The following GRAMD1B variants were observed in gnomAD, a reference collection of about 807,000 sequenced individuals.
GRAMD1B encodes the protein GRAM domain containing 1B, also known as protein Aster-B.
Under a neutral mutation model 99.7 loss-of-function variants are expected in GRAMD1B, and 37 were observed. The observed-to-expected ratio is 0.37, with a 90% CI of 0.29 to 0.49. GRAMD1B has a LOEUF of 0.49. GRAMD1B is among the 20% of genes least tolerant of loss of function. The pLI, the probability that GRAMD1B is intolerant of heterozygous loss-of-function variation, is 0.98. For missense variants in GRAMD1B, 888 were observed against 1,009.2 expected, an observed-to-expected ratio of 0.88 and a Z score of 1.63; for synonymous variants, 427 against 387.6, an observed-to-expected ratio of 1.10 and a Z score of -1.19.
intron 2 of GRAMD1B, among the ~76,000 whole-genome samples, chr11:123,557,849 C>T (rs1334140184): frequency 6.6e-6 from 1 of 152,050 alleles, no homozygotes; most frequent in East Asian, 1.9e-4. Flanking sequence ...AAAGTCCCCT[C>T]AAAATTAGCA....
At chr11:123,526,604 CG>C (rs1242371224) in intron 2 of GRAMD1B, among the ~76,000 whole-genome samples, 2 of 152,018 alleles carry the variant, frequency 1.3e-5, no homozygotes, top group East Asian at 3.9e-4. Flanking sequence ...GGAGGGTGTG[CG>C]GGGGGCCTTT....
chr11:123,577,172 C>T (rs1176343737), intron 2 of GRAMD1B, among the ~76,000 whole-genome samples, 195 bp from the exon 3 acceptor site: 3 of 152,234 alleles, frequency 2.0e-5, no homozygotes, highest in Non-Finnish European at 4.4e-5. Flanking sequence ...GCACTGCTGC[C>T]CTCCCGTGGC....
intron 1 of GRAMD1B, among the ~76,000 whole-genome samples, chr11:123,368,300 A>G (rs974241303): frequency 1.6e-4 from 23 of 148,176 alleles, no homozygotes; most frequent in African/African-American, 5.0e-4. Context: ...GAGGGTCCCT[A>G]GACTGCACTA....
chr11:123,494,390 A>G (rs1049009157), intron 2 of GRAMD1B, among the ~76,000 whole-genome samples: 2 of 150,118 alleles, frequency 1.3e-5, no homozygotes, highest in East Asian at 3.9e-4. Context: ...AGGGGGTCAC[A>G]TGGTCTTGTG....
intron 2 of GRAMD1B, among the ~76,000 whole-genome samples, chr11:123,552,473 C>T (rs536129478): frequency 1.3e-4 from 20 of 151,878 alleles, no homozygotes; most frequent in Non-Finnish European, 2.9e-4. Context: ...CGGGGTTTCA[C>T]CATGCTGGCC....
At chr11:123,493,278 G>A (rs1402017297) in intron 2 of GRAMD1B, among the ~76,000 whole-genome samples, 1 of 152,190 alleles carries the variant, frequency 6.6e-6, no homozygotes, top group Non-Finnish European at 1.5e-5. Context: ...TATGGAGCTT[G>A]TGGGGATTGA....
intron 1 of GRAMD1B, among the ~76,000 whole-genome samples, chr11:123,364,605 A>T (rs745613569): frequency 2.0e-5 from 3 of 152,224 alleles, no homozygotes; most frequent in Non-Finnish European, 2.9e-5. Context: ...GTTGAGGAAG[A>T]AGAGGAATAA....
At chr11:123,373,583 G>A (rs926198849) in intron 1 of GRAMD1B, among the ~76,000 whole-genome samples, 1 of 152,202 alleles carries the variant, frequency 6.6e-6, no homozygotes, top group Non-Finnish European at 1.5e-5. Context: ...TGCAGAAAAG[G>A]CATAGTGGAA....
chr11:123,517,218 C>G (rs1941754539), intron 2 of GRAMD1B, among the ~76,000 whole-genome samples: 1 of 152,158 alleles, frequency 6.6e-6, no homozygotes, highest in Non-Finnish European at 1.5e-5. Context: ...CTGCTCCCAG[C>G]CATATGTACA....
At chr11:123,359,882 C>T (rs555618465) in intron 1 of GRAMD1B, among the ~76,000 whole-genome samples, 47 of 152,294 alleles carry the variant, frequency 3.1e-4, no homozygotes, top group Admixed American at 2.6e-4. Context: ...TCTGCCAACG[C>T]CTACATGGGT....
chr11:123,577,450 A>G lies in GRAMD1B; in HGVS notation c.536A>G (p.Gln179Arg), dbSNP rs1183236305. The G allele has an allele frequency of 6.2e-7, 1 of 1,604,172 alleles. No homozygotes were observed. Among genetic ancestry groups the G allele is most frequent in the Non-Finnish European group, 8.5e-7 (1 of 1,175,604 alleles). Residue 179 changes from glutamine (Q) to arginine (R), a missense_variant, in exon 3 of 20, where the codon CAG (glutamine) becomes CGG (arginine). Physicochemically the swap from Gln to Arg is conservative, Grantham distance 43. Around this residue, in one of 5 missense-constraint regions of GRAMD1B, gnomAD observed 233 missense variants for 154.6 expected, o/e 1.51. Transcript: ENST00000635736. Reference protein sequence around the residue: ...KRSRSPTPQNQDGDTMVEKGS... With the variant: ...KRSRSPTPQNRDGDTMVEKGS... ...TCTCGCTCGCCAACCCCGCAGAACC[A>G]GGACGGAGACACCATGGTGGAGAAG...
chr11:123,536,584 G>A (rs1451519552), intron 2 of GRAMD1B, among the ~76,000 whole-genome samples: 1 of 151,862 alleles, frequency 6.6e-6, no homozygotes, highest in Non-Finnish European at 1.5e-5. Flanking sequence ...TATTTTTTTT[G>A]TTTTATATTT....
rs1950712142 is a variant in GRAMD1B at position 123,591,977 on chromosome 11, G to A, written c.685-2105G>A. 6.6e-6 allele frequency among the ~76,000 whole-genome samples: 1 copy of A among 152,222 alleles called. No homozygotes were observed. Among genetic ancestry groups the A allele is most frequent in the Non-Finnish European group, 1.5e-5 (1 of 68,044 alleles). ...GTTGGAGATGGTGGCCAAACGCCCT[G>A]TACCTCCACCTCTGTGGATACCTGA... On this transcript the variant is annotated intron_variant, in intron 4 of 19. Coordinates refer to ENST00000635736, the MANE Select transcript of GRAMD1B (RefSeq NM_001387025.1). This position sits in a 1 kb window ranked among gnomAD's most constrained non-coding sequence, Gnocchi z 4.7.
rs35081962 is a variant in GRAMD1B at position 123,434,059 on chromosome 11, G to A, written c.374+2893G>A. ...AACTTGGGCAACACGGAGAAACACC[G>A]TCTCTACTAAAAATACAAAAATTAG... On this transcript the variant is annotated intron_variant, in intron 1 of 19. Transcript: ENST00000635736. Among the ~76,000 whole-genome samples, 980 of 151,754 alleles carry A rather than the reference G, an allele frequency of 6.5e-3. 8 individuals carry two copies. Among genetic ancestry groups the A allele is most frequent in the East Asian group, 0.036 (184 of 5,144 alleles).
At chr11:123,536,139 G>A (rs967896934) in intron 2 of GRAMD1B, among the ~76,000 whole-genome samples, 1 of 152,186 alleles carries the variant, frequency 6.6e-6, no homozygotes, top group Non-Finnish European at 1.5e-5. Flanking sequence ...GGTTGTCCAG[G>A]CGTGGTGACT....
chr11:123,461,972 T>C (rs1386087871), intron 1 of GRAMD1B, among the ~76,000 whole-genome samples: 5 of 141,142 alleles, frequency 3.5e-5, no homozygotes, highest in Non-Finnish European at 1.5e-5. Context: ...TATTTCTTTT[T>C]TTTTTTTTTT....
chr11:123,553,488 G>T (rs188334902), intron 2 of GRAMD1B, among the ~76,000 whole-genome samples: 1 of 152,344 alleles, frequency 6.6e-6, no homozygotes, highest in Non-Finnish European at 1.5e-5. Flanking sequence ...GAATGGCAAT[G>T]TTGGTTGCTA....
chr11:123,360,835 C>CCTTCCTTG (rs1333101491), intron 1 of GRAMD1B, among the ~76,000 whole-genome samples: 1 of 115,570 alleles, frequency 8.7e-6, no homozygotes, highest in East Asian at 2.5e-4. Context: ...TTCCTTCCTT[C>CCTTCCTTG]CATGGAGTTT....
rs372424623 is a variant in GRAMD1B at position 123,593,230 on chromosome 11, TAAACAAACAAAC to T, written c.685-829_685-818del. On this transcript the variant is annotated intron_variant, in intron 4 of 19. Transcript: ENST00000635736. ...CTGGGTGACAGAGCGAGACTCTGTCTAAACAAACAAACAAACAAACAAACAAACAAACAAGAT... is the reference window on the plus strand; with the variant it reads ...CTGGGTGACAGAGCGAGACTCTGTCTAAACAAACAAACAAACAAACAAGAT... Among the ~76,000 whole-genome samples, 50 of 151,620 alleles carry T rather than the reference TAAACAAACAAAC, an allele frequency of 3.3e-4. No homozygotes were observed. In the East Asian group the frequency reaches 3.9e-3, roughly 12 times the overall value.
Sources: gnomAD v4.1 joint callset for allele counts (sites outside exome capture counted in the v4.1 genomes callset) on GRCh38, gnomAD v4.1.1 for gene constraint, gnomAD v4.1.1 regional missense constraint, Gnocchi (gnomAD v3.1) non-coding constraint, MANE v1.5 for transcripts, NCBI Gene and HGNC (gene_info 2026-07-23, HGNC 2026-07-21) for gene names.